Variants in DAB1 observed in about 807,000 individuals in gnomAD.
DAB1 encodes DAB adaptor protein 1.
A neutral mutation model predicts 64.6 loss-of-function variants in DAB1; 15 were observed. The ratio of observed to expected loss-of-function variants is 0.23; its 90% confidence interval spans 0.16 to 0.36. DAB1 has a LOEUF of 0.36. DAB1 is among the 10% of genes least tolerant of loss of function. DAB1 has a pLI of 1.00. For missense variants in DAB1, 596 were observed against 706.7 expected (o/e 0.84, Z 1.78); for synonymous variants, 235 against 251.9 (o/e 0.93, Z 0.64).
intron 6 of DAB1, among the ~76,000 whole-genome samples, chr1:57,780,468 G>A (rs1331036479): frequency 1.3e-5 from 2 of 151,884 alleles, no homozygotes; most frequent in Non-Finnish European, 2.9e-5. Context: ...TTCAACAATT[G>A]ATATATACAG....
At chr1:58,061,053 G>A (rs913474979) in intron 5 of DAB1, among the ~76,000 whole-genome samples, 3 of 152,210 alleles carry the variant, frequency 2.0e-5, no homozygotes, top group African/African-American at 4.8e-5. Context: ...GAAAGGACCA[G>A]TCGTGGCCAG....
At chr1:57,899,627 GA>G (rs200421888) in intron 5 of DAB1, among the ~76,000 whole-genome samples, 1,765 of 152,066 alleles carry the variant, frequency 0.012, 20 homozygotes, top group South Asian at 0.015. Context: ...CACTCACGGA[GA>G]AAGTCAGACT....
chr1:57,806,157 G>T (rs1473875955), intron 6 of DAB1, among the ~76,000 whole-genome samples: 1 of 152,054 alleles, frequency 6.6e-6, no homozygotes, highest in Non-Finnish European at 1.5e-5. Flanking sequence ...TCTTTCCTTT[G>T]TTCACTCTAC....
chr1:58,292,960 G>A (rs1375891690), intron 4 of DAB1, among the ~76,000 whole-genome samples: 3 of 152,104 alleles, frequency 2.0e-5, no homozygotes, highest in South Asian at 4.2e-4. Flanking sequence ...CTATGCTTGC[G>A]AATGGTGAAG....
At chr1:58,283,430 C>T (rs977438769) in intron 4 of DAB1, among the ~76,000 whole-genome samples, 1 of 152,124 alleles carries the variant, frequency 6.6e-6, no homozygotes, top group Non-Finnish European at 1.5e-5. Context: ...CCATAGCTTT[C>T]TACCCTGACC....
intron 1 of DAB1, among the ~76,000 whole-genome samples, chr1:57,846,124 C>G (rs115657548): frequency 0.012 from 1,864 of 152,180 alleles, 38 homozygotes; most frequent in African/African-American, 0.043. Flanking sequence ...AAGCTTTAGT[C>G]TTCCTAAAGC....
intron 1 of DAB1, chr1:58,530,552 T>C (rs1646419412): frequency 1.2e-6 from 1 of 815,880 alleles, no homozygotes; most frequent in Non-Finnish European, 2.1e-6. Context: ...AGTATTAAAA[T>C]ATCTTCACCA....
chr1:57,620,135 G>T (rs1209748035), intron 7 of DAB1, among the ~76,000 whole-genome samples: 3 of 152,104 alleles, frequency 2.0e-5, no homozygotes, highest in Non-Finnish European at 4.4e-5. Context: ...TAGCAAAAAT[G>T]GCAATCCTGG....
At chr1:58,137,259 G>T in intron 5 of DAB1, among the ~76,000 whole-genome samples, 1 of 152,182 alleles carries the variant, frequency 6.6e-6, no homozygotes, top group Non-Finnish European at 1.5e-5. Flanking sequence ...ACTAAGAAAA[G>T]GGATCGTCAG....
intron 6 of DAB1, among the ~76,000 whole-genome samples, chr1:57,703,484 G>A (rs2101733768): frequency 6.6e-6 from 1 of 152,246 alleles, no homozygotes; most frequent in East Asian, 1.9e-4. Flanking sequence ...ACCACAGTGA[G>A]ATACCATGTC....
At chr1:57,830,187 T>G (rs1652526011) in intron 1 of DAB1, among the ~76,000 whole-genome samples, 1 of 152,148 alleles carries the variant, frequency 6.6e-6, no homozygotes, top group Admixed American at 6.6e-5. Context: ...ACAGATTCAT[T>G]CAGTCACTCA....
At chr1:57,523,651 G>T (rs1402805420) in intron 7 of DAB1, among the ~76,000 whole-genome samples, 5 of 152,178 alleles carry the variant, frequency 3.3e-5, no homozygotes, top group African/African-American at 1.2e-4. Flanking sequence ...GCCAGGTGCG[G>T]TGGCTCACAC....
intron 5 of DAB1, among the ~76,000 whole-genome samples, chr1:57,912,789 T>C (rs1045193245): frequency 6.6e-6 from 1 of 152,158 alleles, no homozygotes; most frequent in Non-Finnish European, 1.5e-5. Context: ...AGTATTCTTA[T>C]ACACCAATAA....
intron 1 of DAB1, among the ~76,000 whole-genome samples, chr1:57,334,437 G>C (rs1311794900): frequency 1.3e-5 from 2 of 152,208 alleles, no homozygotes; most frequent in Non-Finnish European, 2.9e-5. Flanking sequence ...CCCCTCACAA[G>C]TGGCAGTGAG....
intron 5 of DAB1, chr1:58,084,475 G>T: frequency 6.1e-6 from 1 of 163,596 alleles, no homozygotes; most frequent in East Asian, 1.5e-4. Flanking sequence ...TCAAAGGTCT[G>T]ATGAGTCATG....
chr1:58,116,907 A>T (rs546490971), intron 5 of DAB1, among the ~76,000 whole-genome samples: 2 of 152,316 alleles, frequency 1.3e-5, no homozygotes, highest in East Asian at 1.9e-4. Flanking sequence ...GATGGTTCTT[A>T]TTGGCACAAA....
At chr1:57,148,674 C>T (rs1456637321) in intron 2 of DAB1, among the ~76,000 whole-genome samples, 3 of 152,188 alleles carry the variant, frequency 2.0e-5, no homozygotes, top group Non-Finnish European at 4.4e-5. Context: ...CATATGGTCA[C>T]TGTTATTGAG....
upstream of DAB1, among the ~76,000 whole-genome samples, chr1:57,885,421 G>T (rs1644207253): frequency 1.3e-5 from 2 of 152,076 alleles, no homozygotes; most frequent in African/African-American, 4.8e-5. Flanking sequence ...CTCATTTCAG[G>T]CAGTGGCTTA....
At chr1:58,069,480 C>T (rs1649096013) in intron 5 of DAB1, among the ~76,000 whole-genome samples, 1 of 152,148 alleles carries the variant, frequency 6.6e-6, no homozygotes, top group South Asian at 2.1e-4. Flanking sequence ...ACCAAGAATA[C>T]ATACATAACC....
Sources: gnomAD v4.1 joint callset for allele counts (sites outside exome capture counted in the v4.1 genomes callset) on GRCh38, gnomAD v4.1.1 for gene constraint, MANE v1.5 for transcripts, NCBI Gene and HGNC (gene_info 2026-07-23, HGNC 2026-07-21) for gene names.